Variants in TBC1D15 observed in about 807,000 individuals in gnomAD.
TBC1D15 encodes the protein GAP for RAB7.
TBC1D15 carries 39 observed loss-of-function variants against 95.4 expected under a neutral mutation model. The observed-to-expected ratio is 0.41, with a 90% CI of 0.32 to 0.53. The LOEUF (loss-of-function observed/expected upper bound fraction) is 0.53. TBC1D15 is among the 20% of genes least tolerant of loss of function. The probability of loss-of-function intolerance (pLI) is 0.29; values close to 1 mark genes in which losing one functional copy is unlikely to be tolerated. For synonymous variants in TBC1D15, 258 were observed against 261.3 expected, an observed-to-expected ratio of 0.99 and a Z score of 0.12; for missense variants, 733 against 794.3, an observed-to-expected ratio of 0.92 and a Z score of 0.93.
At chr12:71,911,763 T>TA (rs1293889182) in intron 11 of TBC1D15, among the ~76,000 whole-genome samples, 3 of 151,880 alleles carry the variant, frequency 2.0e-5, no homozygotes, top group African/African-American at 7.3e-5. Context: ...CCCTAAAACT[T>TA]AAAGTATAAT....
In TBC1D15 at chr12:71,917,767, T is replaced by C; in HGVS notation, c.1471T>C (p.Leu491=). The part of the protein sequence containing the change: ...QLIQLSTLLR[L]LDSGFCSYLE... ...AATTCAGCTGAGTACCTTACTTCGA[T>C]TGTTAGACAGTGGATTTTGCAGTTA... The change falls in exon 13 of 17, where the codon TTG becomes CTG. Residue 491 remains leucine (L), a synonymous_variant. Coordinates refer to ENST00000485960, the MANE Select transcript of TBC1D15 (RefSeq NM_001146213.3). 6.2e-7 allele frequency: 1 copy of C among 1,613,026 alleles called. No homozygotes were observed. Among genetic ancestry groups the C allele is most frequent in the South Asian group, 1.1e-5 (1 of 90,914 alleles).
intron 1 of TBC1D15, among the ~76,000 whole-genome samples, chr12:71,861,949 A>T (rs1344692712): frequency 6.6e-6 from 1 of 152,110 alleles, no homozygotes; most frequent in Non-Finnish European, 1.5e-5. Flanking sequence ...CCCATTGGTC[A>T]TTCAGAAACG....
At chr12:71,863,252 C>A (rs918300445) in intron 1 of TBC1D15, among the ~76,000 whole-genome samples, 6 of 152,140 alleles carry the variant, frequency 3.9e-5, no homozygotes, top group Non-Finnish European at 7.4e-5. Context: ...GTGGCGGGCA[C>A]CTGTAGTCCC....
At chr12:71,891,664 C>G (rs1369585608) in intron 5 of TBC1D15, among the ~76,000 whole-genome samples, 2 of 152,072 alleles carry the variant, frequency 1.3e-5, no homozygotes, top group Non-Finnish European at 2.9e-5. Flanking sequence ...TATCTTCCCT[C>G]CTTCTTAGAG....
intron 4 of TBC1D15, among the ~76,000 whole-genome samples, chr12:71,881,264 C>G (rs954844361): frequency 3.3e-5 from 5 of 152,174 alleles, no homozygotes; most frequent in Non-Finnish European, 7.3e-5. Flanking sequence ...CATTGTGTTA[C>G]AGTTGCCTGT....
intron 3 of TBC1D15, among the ~76,000 whole-genome samples, chr12:71,876,958 G>C (rs1351901109): frequency 1.3e-5 from 2 of 151,656 alleles, no homozygotes; most frequent in South Asian, 4.2e-4. Flanking sequence ...CTACAGGTGT[G>C]CGCCACCACA....
At chr12:71,882,829 C>T (rs1278643400) in intron 4 of TBC1D15, among the ~76,000 whole-genome samples, 2 of 152,094 alleles carry the variant, frequency 1.3e-5, no homozygotes, top group African/African-American at 2.4e-5. Flanking sequence ...TAGTGGAGGG[C>T]CTAGAATATT....
intron 5 of TBC1D15, among the ~76,000 whole-genome samples, chr12:71,886,931 G>A (rs144632123): frequency 1.3e-5 from 2 of 152,240 alleles, no homozygotes; most frequent in Non-Finnish European, 2.9e-5. Flanking sequence ...TGAGACTGTT[G>A]ATTAAAGCAT....
At chr12:71,843,616 G>C (rs1885610291) in intron 1 of TBC1D15, among the ~76,000 whole-genome samples, 1 of 151,954 alleles carries the variant, frequency 6.6e-6, no homozygotes, top group African/African-American at 2.4e-5. Context: ...TGGATACAAG[G>C]GTGGTTAAAC....
chr12:71,855,802 A>C (rs929734865), intron 1 of TBC1D15, among the ~76,000 whole-genome samples: 1 of 151,504 alleles, frequency 6.6e-6, no homozygotes, highest in Non-Finnish European at 1.5e-5. Flanking sequence ...CTTTATTAGT[A>C]GTAGTATTAA....
At chr12:71,863,092 T>A (rs1344968578) in intron 1 of TBC1D15, among the ~76,000 whole-genome samples, 1 of 152,118 alleles carries the variant, frequency 6.6e-6, no homozygotes, top group Non-Finnish European at 1.5e-5. Context: ...AAAAATCTGC[T>A]TTTAGGCCGG....
chr12:71,916,593 A>G (rs1241030308), intron 12 of TBC1D15, among the ~76,000 whole-genome samples: 1 of 152,212 alleles, frequency 6.6e-6, no homozygotes, highest in Non-Finnish European at 1.5e-5. Flanking sequence ...ATAAAGCACT[A>G]TTGTACTGTA....
At chr12:71,897,978 G>A (rs557438778) in intron 10 of TBC1D15, 37 bp downstream of exon 10, 14 of 1,437,718 alleles carry the variant, frequency 9.7e-6, no homozygotes, top group African/African-American at 7.0e-5. Flanking sequence ...ATGCAAGGGG[G>A]GATTACATTG....
rs1380557777 is a variant in TBC1D15, at chr12:71,918,486, A to C, written c.1537A>C (p.Arg513=). Residue 513 remains arginine, a synonymous_variant, in exon 14 of 17, where the codon AGG becomes CGG. Coordinates refer to ENST00000485960, the MANE Select transcript of TBC1D15 (RefSeq NM_001146213.3). Reference sequence around the variant, plus strand: ...CTCTGGATACCTTTATTTTTGCTTCAGGTGGCTTTTAATCAGATTCAAAAG... The same window carrying C: ...CTCTGGATACCTTTATTTTTGCTTCCGGTGGCTTTTAATCAGATTCAAAAG... ...QDSGYLYFCF[R]WLLIRFKREF... 2.5e-6 allele frequency: 4 copies of C among 1,609,558 alleles called. No homozygotes were observed. The highest frequency in any genetic ancestry group is 8.5e-7 in the Non-Finnish European group (1 of 1,178,574).
chr12:71,914,534 A>T (rs1408259750), intron 12 of TBC1D15, among the ~76,000 whole-genome samples: 1 of 152,036 alleles, frequency 6.6e-6, no homozygotes, highest in African/African-American at 2.4e-5. Flanking sequence ...TGCAGAGAAT[A>T]TTGACAGGAA....
intron 3 of TBC1D15, 28 bp downstream of exon 3, chr12:71,873,031 G>T: frequency 6.9e-7 from 1 of 1,456,964 alleles, no homozygotes; most frequent in South Asian, 1.2e-5. Context: ...GTGTTACTAA[G>T]GGAATGCCAT....
At chr12:71,901,504 T>A (rs2138807456) in intron 10 of TBC1D15, among the ~76,000 whole-genome samples, 1 of 152,264 alleles carries the variant, frequency 6.6e-6, no homozygotes, top group South Asian at 2.1e-4. Flanking sequence ...TTCATGGGAC[T>A]GGAGATAAAT....
At chr12:71,858,431 G>A (rs1355469549) in intron 1 of TBC1D15, among the ~76,000 whole-genome samples, 1 of 150,452 alleles carries the variant, frequency 6.6e-6, no homozygotes, top group Non-Finnish European at 1.5e-5. Flanking sequence ...CCGTATCTTG[G>A]CTATTGTGAA....
At chr12:71,905,337 T>G (rs990113557) in intron 10 of TBC1D15, among the ~76,000 whole-genome samples, 48 of 152,296 alleles carry the variant, frequency 3.2e-4, no homozygotes, top group African/African-American at 1.0e-3. Context: ...GACTTTTTTT[T>G]CTTTTTGAGT....
Sources: allele counts gnomAD v4.1 joint callset (sites outside exome capture counted in the v4.1 genomes callset), GRCh38; gene constraint gnomAD v4.1.1; transcripts MANE v1.5; gene names NCBI Gene and HGNC (gene_info 2026-07-23, HGNC 2026-07-21).